FBXO4: variants seen among roughly 807,000 people sequenced by gnomAD.
The protein encoded by FBXO4 is F-box only protein 4.
Under a neutral mutation model 43.7 loss-of-function variants are expected in FBXO4, and 36 were observed. The observed-to-expected ratio is 0.82, with a 90% CI of 0.63 to 1.09. The LOEUF is 1.09. FBXO4 is among the 50% of genes least tolerant of loss of function. The pLI, the probability that FBXO4 is intolerant of heterozygous loss-of-function variation, is 0.00. For synonymous variants in FBXO4, 180 were observed against 165.6 expected (o/e 1.09, Z -0.67); for missense variants, 435 against 474.1 (o/e 0.92, Z 0.77).
At chr5:41,946,895 A>T in the FBXO4 span, among the ~76,000 whole-genome samples, 1 of 152,230 alleles carries the variant, frequency 6.6e-6, no homozygotes, top group Non-Finnish European at 1.5e-5. Context: ...CTTCTTCAAG[A>T]TTTCAAGTAT....
the FBXO4 span, among the ~76,000 whole-genome samples, chr5:41,957,987 A>C: frequency 1.3e-5 from 2 of 152,090 alleles, no homozygotes; most frequent in Non-Finnish European, 2.9e-5. Context: ...TCGATGAGTA[A>C]AATTATATAT....
chr5:42,012,159 T>C, the FBXO4 span, among the ~76,000 whole-genome samples: 2 of 152,148 alleles, frequency 1.3e-5, no homozygotes, highest in African/African-American at 4.8e-5. Flanking sequence ...AGAGCAATTG[T>C]CAGTAATTAG....
the FBXO4 span, among the ~76,000 whole-genome samples, chr5:41,980,065 C>G: frequency 6.6e-6 from 1 of 152,130 alleles, no homozygotes; most frequent in Non-Finnish European, 1.5e-5. Flanking sequence ...TTAGTGCAAA[C>G]TTAATATAGG....
downstream of FBXO4, among the ~76,000 whole-genome samples, chr5:41,943,961 G>A (rs952405110): frequency 6.6e-6 from 1 of 152,170 alleles, no homozygotes; most frequent in Admixed American, 6.6e-5. Context: ...TGAGAAGGTG[G>A]CCATCTGCAA....
the FBXO4 span, among the ~76,000 whole-genome samples, chr5:42,032,012 TC>T: frequency 2.6e-5 from 4 of 151,868 alleles, no homozygotes; most frequent in Admixed American, 2.0e-4. Flanking sequence ...CCTTACTTTC[TC>T]CCAAACAGCT....
the FBXO4 span, among the ~76,000 whole-genome samples, chr5:41,969,694 G>A: frequency 6.6e-6 from 1 of 152,146 alleles, no homozygotes; most frequent in Admixed American, 6.5e-5. Flanking sequence ...TAAATGGTGA[G>A]TTGCACACCT....
chr5:42,001,944 G>A, the FBXO4 span, among the ~76,000 whole-genome samples: 5 of 152,086 alleles, frequency 3.3e-5, no homozygotes, highest in East Asian at 1.9e-4. Context: ...CGATCTGCTC[G>A]CTTCAGTCTC....
chr5:41,975,012 A>G, the FBXO4 span, among the ~76,000 whole-genome samples: 4 of 152,292 alleles, frequency 2.6e-5, no homozygotes, highest in Admixed American at 6.5e-5. Flanking sequence ...GCCATTCTGC[A>G]GTAGCTGCAG....
the FBXO4 span, among the ~76,000 whole-genome samples, chr5:42,029,672 A>G: frequency 6.6e-6 from 1 of 151,372 alleles, no homozygotes; most frequent in Non-Finnish European, 1.5e-5. Flanking sequence ...CTCACCATGT[A>G]TTTTCAAATA....
chr5:41,956,975 G>C, the FBXO4 span, among the ~76,000 whole-genome samples: 2 of 151,996 alleles, frequency 1.3e-5, no homozygotes, highest in South Asian at 4.1e-4. Context: ...GCCTCCCAAA[G>C]TGCTGGGATT....
At chr5:42,010,883 T>C in the FBXO4 span, among the ~76,000 whole-genome samples, 1 of 152,180 alleles carries the variant, frequency 6.6e-6, no homozygotes, top group Admixed American at 6.5e-5. Context: ...TTTTTCTTTT[T>C]TTTTAAATTA....
At chr5:42,025,096 C>T in the FBXO4 span, among the ~76,000 whole-genome samples, 2 of 149,658 alleles carry the variant, frequency 1.3e-5, no homozygotes, top group Non-Finnish European at 3.0e-5. Context: ...CATATGGTAG[C>T]TCTATTTTTT....
chr5:41,987,614 C>A, the FBXO4 span, among the ~76,000 whole-genome samples: 1 of 152,154 alleles, frequency 6.6e-6, no homozygotes, highest in South Asian at 2.1e-4. Context: ...TGCCTTTTTG[C>A]AGCATGAATG....
chr5:41,997,607 G>A, the FBXO4 span, among the ~76,000 whole-genome samples: 1 of 152,158 alleles, frequency 6.6e-6, no homozygotes, highest in East Asian at 1.9e-4. Context: ...TGGACCCATT[G>A]TAAGTTGGAC....
chr5:41,943,060 T>G (rs886533414), downstream of FBXO4, among the ~76,000 whole-genome samples: 2 of 152,100 alleles, frequency 1.3e-5, no homozygotes, highest in African/African-American at 4.8e-5. Context: ...GCCACTAGTA[T>G]TATCCTCATT....
At chr5:41,951,092 T>C in the FBXO4 span, among the ~76,000 whole-genome samples, 2 of 152,036 alleles carry the variant, frequency 1.3e-5, no homozygotes, top group East Asian at 1.9e-4. Context: ...GGGATAGCAT[T>C]AGGAGAAATA....
At chr5:41,952,765 G>C in the FBXO4 span, among the ~76,000 whole-genome samples, 1 of 151,890 alleles carries the variant, frequency 6.6e-6, no homozygotes, top group Non-Finnish European at 1.5e-5. Flanking sequence ...TTTTCTGTTG[G>C]CCTCTTTTTG....
At chr5:42,000,278 T>A in the FBXO4 span, among the ~76,000 whole-genome samples, 1 of 152,196 alleles carries the variant, frequency 6.6e-6, no homozygotes, top group Non-Finnish European at 1.5e-5. Flanking sequence ...TATGCTCCAA[T>A]GAACATGGGG....
At chr5:41,941,171 T>C in intron 6 of FBXO4, 21 bp from the exon 7 acceptor site, 1 of 1,601,054 alleles carries the variant, frequency 6.2e-7, no homozygotes, top group Non-Finnish European at 8.5e-7. Context: ...ACTAACAACA[T>C]TCTCTCTTAT....
Sources: gnomAD v4.1 joint callset for allele counts (sites outside exome capture counted in the v4.1 genomes callset) on GRCh38, gnomAD v4.1.1 for gene constraint, MANE v1.5 for transcripts, NCBI Gene and HGNC (gene_info 2026-07-23, HGNC 2026-07-21) for gene names.